SLC35F4: variants seen among roughly 807,000 people sequenced by gnomAD.
The protein encoded by SLC35F4 is solute carrier family 35 member F4.
Under a neutral mutation model 44.2 loss-of-function variants are expected in SLC35F4, and 24 were observed. That is an observed-to-expected ratio of 0.54 (90% CI 0.39 to 0.76). SLC35F4 has a LOEUF of 0.76. Ranked by LOEUF, SLC35F4 falls within the 30% of genes least tolerant of loss-of-function variation. The pLI is 0.00. For synonymous variants in SLC35F4, 238 were observed against 223.6 expected (o/e 1.06, Z -0.57); for missense variants, 562 against 586.1 (o/e 0.96, Z 0.42).
intron 1 of SLC35F4, among the ~76,000 whole-genome samples, chr14:57,738,316 C>T (rs1266803460): frequency 6.6e-6 from 1 of 152,124 alleles, no homozygotes; most frequent in Admixed American, 6.5e-5. Flanking sequence ...AGAGAAATCG[C>T]CAATATTATG....
chr14:57,835,518 C>T (rs1041043032), intron 1 of SLC35F4, among the ~76,000 whole-genome samples: 2 of 152,188 alleles, frequency 1.3e-5, no homozygotes, highest in African/African-American at 4.8e-5. Flanking sequence ...CCTTCTTTTG[C>T]TCTTTCTCAT....
chr14:57,983,088 G>A (rs192600931), upstream of SLC35F4, among the ~76,000 whole-genome samples: 12 of 152,350 alleles, frequency 7.9e-5, no homozygotes, highest in Middle Eastern at 0.02. Flanking sequence ...CACGTGCAAT[G>A]GAAAGCCAAC....
At chr14:57,935,907 T>A (rs28491647) in intron 1 of SLC35F4, among the ~76,000 whole-genome samples, 5,569 of 152,282 alleles carry the variant, frequency 0.037, 358 homozygotes, top group African/African-American at 0.13. Flanking sequence ...ATATCAAAAA[T>A]GAATTTGAAA....
At chr14:57,945,742 G>T (rs1261640503) in intron 1 of SLC35F4, among the ~76,000 whole-genome samples, 1 of 152,036 alleles carries the variant, frequency 6.6e-6, no homozygotes, top group Non-Finnish European at 1.5e-5. Flanking sequence ...CCCATCAACA[G>T]TGTAAAAGTG....
intron 1 of SLC35F4, among the ~76,000 whole-genome samples, chr14:57,667,143 C>T (rs1418951154): frequency 1.3e-5 from 2 of 151,158 alleles, no homozygotes; most frequent in Non-Finnish European, 2.9e-5. Flanking sequence ...ACTATACCCA[C>T]TCACAGATGC....
intron 1 of SLC35F4, among the ~76,000 whole-genome samples, chr14:57,747,987 T>G (rs2140545251): frequency 6.6e-6 from 1 of 152,344 alleles, no homozygotes; most frequent in Non-Finnish European, 1.5e-5. Context: ...CTTTCCCCAG[T>G]GTACTTAAAC....
At chr14:57,646,190 A>T (rs2073502698) in intron 1 of SLC35F4, among the ~76,000 whole-genome samples, 2 of 152,188 alleles carry the variant, frequency 1.3e-5, no homozygotes, top group African/African-American at 4.8e-5. Context: ...ATAGTTTCAG[A>T]AGGAATGGTA....
chr14:57,630,313 A>G, intron 1 of SLC35F4: 1 of 575,472 alleles, frequency 1.7e-6, no homozygotes, highest in Non-Finnish European at 3.3e-6. Context: ...GATTACAACT[A>G]TAGAAGGTCG....
chr14:57,926,148 C>A (rs1397045769), intron 1 of SLC35F4, among the ~76,000 whole-genome samples: 1 of 152,202 alleles, frequency 6.6e-6, no homozygotes, highest in South Asian at 2.1e-4. Context: ...GGCTATCCCA[C>A]ATCAGACACT....
chr14:57,885,726 C>A (rs1336390737), intron 1 of SLC35F4, among the ~76,000 whole-genome samples: 4 of 152,162 alleles, frequency 2.6e-5, no homozygotes, highest in African/African-American at 9.7e-5. Context: ...GCTTTTTTAT[C>A]ATCACAGAAT....
chr14:57,724,793 G>A (rs1350438489), intron 1 of SLC35F4, among the ~76,000 whole-genome samples: 2 of 152,188 alleles, frequency 1.3e-5, no homozygotes, highest in Admixed American at 1.3e-4. Flanking sequence ...CAGCACTACA[G>A]CCCCTTTTTA....
At chr14:57,632,278 C>T (rs2072815901) in intron 1 of SLC35F4, among the ~76,000 whole-genome samples, 1 of 151,878 alleles carries the variant, frequency 6.6e-6, no homozygotes, top group Non-Finnish European at 1.5e-5. Flanking sequence ...TTATAGAAGC[C>T]TCTGAAATGG....
At chr14:57,910,688 T>C (rs1387989988) in intron 1 of SLC35F4, among the ~76,000 whole-genome samples, 2 of 152,092 alleles carry the variant, frequency 1.3e-5, no homozygotes, top group Non-Finnish European at 2.9e-5. Context: ...ACTATAGCTT[T>C]GTAGTAAGTC....
At chr14:57,711,499 A>G (rs938345698) in intron 1 of SLC35F4, among the ~76,000 whole-genome samples, 1 of 152,176 alleles carries the variant, frequency 6.6e-6, no homozygotes, top group Non-Finnish European at 1.5e-5. Context: ...TTATGAGACC[A>G]TTTTTTATGT....
At chr14:57,796,484 T>A (rs2078056138) in intron 1 of SLC35F4, among the ~76,000 whole-genome samples, 1 of 152,218 alleles carries the variant, frequency 6.6e-6, no homozygotes, top group Admixed American at 6.5e-5. Context: ...ACAATTGTAT[T>A]TTCAGGTAAC....
intron 1 of SLC35F4, among the ~76,000 whole-genome samples, chr14:57,661,374 G>A (rs763129957): frequency 4.6e-5 from 7 of 152,076 alleles, no homozygotes; most frequent in African/African-American, 9.7e-5. Context: ...CATGCCTGAC[G>A]GATCATGCTC....
chr14:57,657,734 A>G (rs28442254), intron 1 of SLC35F4, among the ~76,000 whole-genome samples: 7,894 of 152,250 alleles, frequency 0.052, 721 homozygotes, highest in African/African-American at 0.18. Flanking sequence ...TTAGCACAGT[A>G]ATACTGGTGG....
Position 57,950,675 on chromosome 14 carries a change from C to CTTTTTTTTTTTTTTTTTTT in SLC35F4, n.282+31237_282+31238insAAAAAAAAAAAAAAAAAAA, listed in dbSNP as rs59027196. ...GACTCTTTGTTTCTTTTCTTTCTTT[C>CTTTTTTTTTTTTTTTTTTT]TTTTTTTTTTTTGAGACAGAGTCTT... On this transcript the variant is annotated intron_variant and non_coding_transcript_variant, in intron 1 of 1. Transcript: ENST00000556568. Among the ~76,000 whole-genome samples the CTTTTTTTTTTTTTTTTTTT allele has an allele frequency of 4.7e-5, 6 of 127,208 alleles. 1 individual carries two copies. Among genetic ancestry groups the CTTTTTTTTTTTTTTTTTTT allele is most frequent in the East Asian group, 5.4e-4 (2 of 3,694 alleles). The allele number at this position is 127,208 out of a possible 152,430, so 83.5% of individuals were successfully genotyped here.
At chr14:57,857,103 C>T (rs1158199556) in intron 1 of SLC35F4, among the ~76,000 whole-genome samples, 3 of 151,842 alleles carry the variant, frequency 2.0e-5, no homozygotes, top group Non-Finnish European at 2.9e-5. Flanking sequence ...TGGTGAAACC[C>T]CATCTCTACT....
Sources: gnomAD v4.1 joint callset for allele counts (sites outside exome capture counted in the v4.1 genomes callset) on GRCh38, gnomAD v4.1.1 for gene constraint, MANE v1.5 for transcripts, NCBI Gene and HGNC (gene_info 2026-07-23, HGNC 2026-07-21) for gene names.